The following NAA16 variants were observed in gnomAD, a reference collection of about 807,000 sequenced individuals.
The protein encoded by NAA16 is N-alpha-acetyltransferase 16, NatA auxiliary subunit.
In NAA16, 97 loss-of-function variants were observed where a neutral mutation model predicts 110.3. The ratio of observed to expected loss-of-function variants is 0.88; its 90% CI spans 0.75 to 1.04. The LOEUF (loss-of-function observed/expected upper bound fraction) is 1.04. Among genes scored for constraint, NAA16 ranks in the 50% least tolerant of loss-of-function variants. The pLI, the probability that NAA16 is intolerant of heterozygous loss-of-function variation, is 0.00. For missense variants in NAA16, 1,017 were observed against 1,005.1 expected, an observed-to-expected ratio of 1.01 and a Z score of -0.16; for synonymous variants, 372 against 330.6, an observed-to-expected ratio of 1.13 and a Z score of -1.36.
At chr13:41,331,486 G>T (rs2042237027) in intron 8 of NAA16, 117 bp downstream of exon 8, 2 of 629,328 alleles carry the variant, frequency 3.2e-6, no homozygotes, top group South Asian at 2.7e-5. Context: ...CTTGGAGTTG[G>T]GAGTGAACAG....
At chr13:41,344,408 T>C (rs1358735997) in intron 9 of NAA16, among the ~76,000 whole-genome samples, 1 of 152,258 alleles carries the variant, frequency 6.6e-6, no homozygotes, top group Non-Finnish European at 1.5e-5. Context: ...AAGTCCTCTT[T>C]AGAGCAGTAC....
Position 41,316,923 on chromosome 13 carries a change from A to G in NAA16, c.132A>G (p.Glu44=). 6.2e-7 allele frequency: 1 copy of G among 1,610,616 alleles called. No homozygotes were observed. The highest frequency in any genetic ancestry group is 1.7e-4 in the Middle Eastern group (1 of 6,054). The change falls in exon 2 of 20, where the codon GAA becomes GAG. Residue 44 remains glutamate, a synonymous_variant. Coordinates refer to ENST00000379406, the MANE Select transcript of NAA16 (RefSeq NM_024561.5). The part of the protein sequence containing the change: ...KMILSNPKFA[E]HGETLAMKGL... ...TTCTGTCGAACCCAAAATTTGCTGA[A>G]CATGGAGGTATTGTCTCATGTGAGA... is the stretch of plus-strand genomic sequence containing the variant.
At chr13:41,348,488 G>A (rs1225574807) in intron 9 of NAA16, among the ~76,000 whole-genome samples, 2 of 152,124 alleles carry the variant, frequency 1.3e-5, no homozygotes, top group African/African-American at 4.8e-5. Context: ...TTGCATTGCT[G>A]GGTGAAAGCC....
intron 9 of NAA16, among the ~76,000 whole-genome samples, chr13:41,341,023 G>A (rs576118688): frequency 2.8e-4 from 42 of 152,272 alleles, no homozygotes; most frequent in African/African-American, 9.9e-4. Flanking sequence ...CTGAGAGACA[G>A]TTTGTTGTGA....
intron 1 of NAA16, among the ~76,000 whole-genome samples, chr13:41,314,530 T>G (rs2041757183): frequency 6.9e-6 from 1 of 144,726 alleles, no homozygotes; most frequent in African/African-American, 2.5e-5. Context: ...GGCCTCAATA[T>G]AAACTTTTTT....
chr13:41,311,995 T>G (rs1196246900), intron 1 of NAA16, among the ~76,000 whole-genome samples: 1 of 152,222 alleles, frequency 6.6e-6, no homozygotes, highest in East Asian at 1.9e-4. Flanking sequence ...CGTTCTGCAT[T>G]CTCTGCTTTG....
Position 41,351,257 on chromosome 13 carries a change from TC to T in NAA16, c.1015-3884del, listed in dbSNP as rs1167710748. Among the ~76,000 whole-genome samples, 31 of 152,346 alleles carry T rather than the reference TC, an allele frequency of 2.0e-4. No homozygotes were observed. The East Asian group carries it at 5.6e-3, about 27-fold the overall frequency. Reference sequence around the variant, plus strand: ...GAATATGTTCAAGAAATGGTAATTTTCCCTTACTCTCTAAATTAGATGGTAA... The same window carrying T: ...GAATATGTTCAAGAAATGGTAATTTTCCTTACTCTCTAAATTAGATGGTAA... On this transcript the variant is annotated intron_variant, in intron 9 of 19. Transcript: ENST00000379406.
chr13:41,341,952 C>T lies in NAA16; in HGVS notation c.1014+5196C>T, dbSNP rs990877231. On this transcript the variant is annotated intron_variant, in intron 9 of 19. Coordinates refer to ENST00000379406, the MANE Select transcript of NAA16 (RefSeq NM_024561.5). ...GTTCGCGCCATTCTCCTGCCTCAGCCTCCCGAGTAGCTGGGACTACAGGCG... is the reference window on the plus strand; with the variant it reads ...GTTCGCGCCATTCTCCTGCCTCAGCTTCCCGAGTAGCTGGGACTACAGGCG... Among the ~76,000 whole-genome samples the T allele has an allele frequency of 4.6e-5, 7 of 151,718 alleles. 1 individual carries two copies. The highest frequency in any genetic ancestry group is 1.5e-4 in the African/African-American group (6 of 41,338).
intron 6 of NAA16, among the ~76,000 whole-genome samples, chr13:41,326,646 T>C (rs974287539): frequency 3.3e-5 from 5 of 152,164 alleles, no homozygotes; most frequent in Non-Finnish European, 7.4e-5. Context: ...GTCATCCAGC[T>C]TTTTAAGTGG....
At chr13:41,354,547 A>G (rs373143701) in intron 9 of NAA16, 1 of 152,194 alleles carries the variant, frequency 6.6e-6, no homozygotes, top group East Asian at 1.9e-4. Flanking sequence ...CAATGAAGAA[A>G]TATTCCTTTT....
At position 41,325,755 on chromosome 13, in the gene NAA16, G is replaced by A. The variant is rs764369968; in HGVS notation, c.595G>A (p.Val199Met). The A allele has an allele frequency of 1.1e-5, 18 of 1,604,040 alleles. No homozygotes were observed. In the South Asian group the frequency reaches 1.7e-4, roughly 15 times the overall value. ...TGAATTGATATTATACCAGAATCAA[G>A]TGATGAGAGAGGCAGATCTGTTGCA... is the stretch of plus-strand genomic sequence containing the variant. ...YSELILYQNQ[V>M]MREADLLQES... The change falls in exon 6 of 20, where the codon GTG becomes ATG. Residue 199 changes from valine (V) to methionine (M), a missense_variant. By Grantham distance (21) the Val-to-Met change is conservative (BLOSUM62 1). Transcript: ENST00000379406.
intron 14 of NAA16, among the ~76,000 whole-genome samples, 161 bp from the exon 15 acceptor site, chr13:41,368,929 A>G (rs142848905): frequency 9.0e-4 from 137 of 152,338 alleles, no homozygotes; most frequent in African/African-American, 3.0e-3. Flanking sequence ...GTGTCATTTT[A>G]TATCACAGGC....
chr13:41,372,234 T>C lies in NAA16; in HGVS notation c.1979T>C (p.Phe660Ser), dbSNP rs752406322. The change falls in exon 16 of 20, where the codon TTC (phenylalanine) becomes TCC (serine). Residue 660 changes from phenylalanine to serine, a missense_variant. Phe to Ser is a radical substitution (Grantham distance 155, BLOSUM62 -2). Coordinates refer to ENST00000379406, the MANE Select transcript of NAA16 (RefSeq NM_024561.5). ...AATCCATTAGAGGAAGCCGTTAAGTTCCTTATACCTCTTAAGAACCTTGTT... is the reference window on the plus strand; with the variant it reads ...AATCCATTAGAGGAAGCCGTTAAGTCCCTTATACCTCTTAAGAACCTTGTT... The part of the protein sequence containing the change: ...VENPLEEAVK[F>S]LIPLKNLVAD... The C allele has an allele frequency of 5.0e-6, 8 of 1,593,572 alleles. No homozygotes were observed. The Admixed American group carries it at 8.9e-5, about 18-fold the overall frequency.
chr13:41,372,851 T>C (rs2043349693), intron 17 of NAA16, 21 bp downstream of exon 17: 1 of 1,494,468 alleles, frequency 6.7e-7, no homozygotes, highest in Non-Finnish European at 9.0e-7. Flanking sequence ...AAAAGGACCA[T>C]ATTTACATTT....
At chr13:41,336,556 A>G (rs11842833) in intron 8 of NAA16, 94 bp from the exon 9 acceptor site, 88,062 of 727,542 alleles carry the variant, frequency 0.12, 6,247 homozygotes, top group Admixed American at 0.22. Context: ...TAGGAGCATA[A>G]TTGCTTCTGA....
intron 5 of NAA16, 48 bp from the exon 6 acceptor site, chr13:41,325,650 T>G: frequency 7.5e-7 from 1 of 1,327,776 alleles, no homozygotes; most frequent in Non-Finnish European, 1.0e-6. Flanking sequence ...GGTCTGTAAC[T>G]GCTTTATATA....
At chr13:41,374,027 T>C (rs989176197) in intron 18 of NAA16, 25 of 369,012 alleles carry the variant, frequency 6.8e-5, no homozygotes, top group African/African-American at 5.2e-4. Context: ...TTATAATAAA[T>C]GTGCGGGATT....
At chr13:41,329,046 CT>C (rs2042166928) in intron 7 of NAA16, among the ~76,000 whole-genome samples, 2 of 151,896 alleles carry the variant, frequency 1.3e-5, no homozygotes, top group Non-Finnish European at 2.9e-5. Flanking sequence ...TGTTAGGTTC[CT>C]TGACCCTTAC....
At chr13:41,324,480 A>G (rs1172632132) in intron 5 of NAA16, among the ~76,000 whole-genome samples, 1 of 141,558 alleles carries the variant, frequency 7.1e-6, no homozygotes, top group African/African-American at 2.6e-5. Flanking sequence ...GGTTCAAGCA[A>G]TTACCCTGCC....
Sources: gnomAD v4.1 joint callset for allele counts (sites outside exome capture counted in the v4.1 genomes callset) on GRCh38, gnomAD v4.1.1 for gene constraint, MANE v1.5 for transcripts, NCBI Gene and HGNC (gene_info 2026-07-23, HGNC 2026-07-21) for gene names.